Variants in SLC9A9 observed in about 807,000 individuals in gnomAD.
The protein encoded by SLC9A9 is sodium/hydrogen exchanger 9.
In SLC9A9, 62 loss-of-function variants were observed where a neutral mutation model predicts 77.8. That is an observed-to-expected ratio of 0.80 (90% confidence interval 0.65 to 0.98). SLC9A9 has a LOEUF of 0.98. Ranked by LOEUF, SLC9A9 falls within the 50% of genes least tolerant of loss-of-function variation. SLC9A9 has a pLI of 0.00. For synonymous variants in SLC9A9, 320 were observed against 283.5 expected (o/e 1.13, Z -1.29); for missense variants, 775 against 774.9 (o/e 1.00, Z 0.00).
chr3:143,766,949 G>C (rs1234231834), intron 4 of SLC9A9, among the ~76,000 whole-genome samples: 1 of 152,128 alleles, frequency 6.6e-6, no homozygotes, highest in Non-Finnish European at 1.5e-5. Context: ...TTATTGTTTT[G>C]CAAATTTATT....
At chr3:143,494,278 CT>C (rs2035797088) in intron 10 of SLC9A9, among the ~76,000 whole-genome samples, 1 of 152,212 alleles carries the variant, frequency 6.6e-6, no homozygotes, top group South Asian at 2.1e-4. Flanking sequence ...CATAATACAA[CT>C]GTTGCTTTAT....
Position 143,266,170 on chromosome 3 carries a change from C to A in SLC9A9, c.*532G>T. ...GAAACCATCAGCAGTGGGTACGGAA[C>A]ACTTCTCTGGGCTCTGCCCTGGGGT... On this transcript the variant is annotated 3_prime_UTR_variant, in exon 16 of 16. Coordinates refer to ENST00000316549, the MANE Select transcript of SLC9A9 (RefSeq NM_173653.4). 1 of 700,342 alleles carries A rather than the reference C, an allele frequency of 1.4e-6. No homozygotes were observed. The highest frequency in any genetic ancestry group is 2.6e-6 in the Non-Finnish European group (1 of 384,066). The allele number at this position is 700,342 out of a possible 1,614,324, so 43.4% of individuals were successfully genotyped here.
intron 4 of SLC9A9, among the ~76,000 whole-genome samples, chr3:143,771,699 CATG>C (rs2007523411): frequency 6.6e-6 from 1 of 152,312 alleles, no homozygotes; most frequent in Admixed American, 6.5e-5. Context: ...GTTAATAAGA[CATG>C]ATTTCCTCCG....
chr3:143,356,039 T>C (rs1467286088), intron 14 of SLC9A9, among the ~76,000 whole-genome samples: 1 of 152,186 alleles, frequency 6.6e-6, no homozygotes, highest in Non-Finnish European at 1.5e-5. Flanking sequence ...AAAGCTTATG[T>C]AGAATCCCAG....
chr3:143,416,591 T>C (rs1462237356), intron 12 of SLC9A9, among the ~76,000 whole-genome samples: 1 of 152,156 alleles, frequency 6.6e-6, no homozygotes, highest in Non-Finnish European at 1.5e-5. Context: ...GATATATATA[T>C]TTTTAGACAT....
At chr3:143,662,054 A>T (rs951424526) in intron 5 of SLC9A9, among the ~76,000 whole-genome samples, 1 of 152,130 alleles carries the variant, frequency 6.6e-6, no homozygotes, top group African/African-American at 2.4e-5. Context: ...TAGTGGTGTG[A>T]TTTATCTTAG....
intron 2 of SLC9A9, among the ~76,000 whole-genome samples, chr3:143,815,831 A>G (rs1001855263): frequency 6.6e-6 from 1 of 152,092 alleles, no homozygotes; most frequent in African/African-American, 2.4e-5. Context: ...GTGCCACTGC[A>G]CTCCAGCCTG....
At position 143,466,524 on chromosome 3, in the gene SLC9A9, C is replaced by G. The variant is rs114456132; in HGVS notation, c.1469+513G>C. On this transcript the variant is annotated intron_variant, in intron 12 of 15. Transcript: ENST00000316549. ...ATCCCCTTTTCCTGTATGAAAGTGT[C>G]TAACTTGTGTCTATAGCATCCCTCT... Among the ~76,000 whole-genome samples, 444 of 152,332 alleles carry G rather than the reference C, an allele frequency of 2.9e-3. 3 individuals carry two copies. Among genetic ancestry groups the G allele is most frequent in the African/African-American group, 9.9e-3 (411 of 41,582 alleles).
At chr3:143,375,985 C>T (rs1007238904) in intron 13 of SLC9A9, among the ~76,000 whole-genome samples, 1 of 152,118 alleles carries the variant, frequency 6.6e-6, no homozygotes, top group Non-Finnish European at 1.5e-5. Flanking sequence ...GAGCTAAAGA[C>T]TGGCTGGCAA....
intron 12 of SLC9A9, among the ~76,000 whole-genome samples, chr3:143,424,233 T>C (rs2034362009): frequency 6.7e-6 from 1 of 150,260 alleles, no homozygotes; most frequent in Non-Finnish European, 1.5e-5. Flanking sequence ...CAACTTACTG[T>C]GAAAAATTCA....
chr3:143,301,033 T>G (rs1368494961), intron 14 of SLC9A9, among the ~76,000 whole-genome samples: 1 of 152,186 alleles, frequency 6.6e-6, no homozygotes. Context: ...AGAAACAGCA[T>G]TCAGCCCCTA....
intron 6 of SLC9A9, among the ~76,000 whole-genome samples, chr3:143,608,315 T>G (rs778543028): frequency 6.6e-6 from 1 of 152,184 alleles, no homozygotes; most frequent in African/African-American, 2.4e-5. Context: ...GCAAATAATA[T>G]GCAGTGAACA....
intron 9 of SLC9A9, among the ~76,000 whole-genome samples, chr3:143,526,630 C>T (rs1215218678): frequency 6.6e-6 from 1 of 152,140 alleles, no homozygotes; most frequent in Non-Finnish European, 1.5e-5. Context: ...GCAACCAATT[C>T]CATTTTAAGG....
At chr3:143,699,333 A>C (rs543585467) in intron 4 of SLC9A9, among the ~76,000 whole-genome samples, 236 of 30,038 alleles carry the variant, frequency 7.9e-3, no homozygotes, top group African/African-American at 0.022. Flanking sequence ...TATCTACACA[A>C]AAAAAAAGCA....
chr3:143,790,088 G>C (rs1231003878), intron 4 of SLC9A9, among the ~76,000 whole-genome samples: 1 of 152,114 alleles, frequency 6.6e-6, no homozygotes, highest in Non-Finnish European at 1.5e-5. Context: ...TCTTATGATA[G>C]TGAGTGAGTT....
At chr3:143,488,076 A>C (rs576634019) in intron 11 of SLC9A9, among the ~76,000 whole-genome samples, 19 of 151,980 alleles carry the variant, frequency 1.3e-4, no homozygotes, top group Admixed American at 2.0e-4. Flanking sequence ...ATTCTAGAGA[A>C]ATAACAAGAA....
Position 143,799,425 on chromosome 3 carries a change from A to G in SLC9A9, c.379-2522T>C, listed in dbSNP as rs2108862073. Among the ~76,000 whole-genome samples, 2 of 152,346 alleles carry G rather than the reference A, an allele frequency of 1.3e-5. 1 individual carries two copies. The highest frequency in any genetic ancestry group is 4.1e-4 in the South Asian group (2 of 4,834). ...AGTAGAGGCAGCCAAGTAGCAATGT[A>G]TTTCTGAGTTGCAATTCCTTGCCCC... On this transcript the variant is annotated intron_variant, in intron 2 of 15. Transcript: ENST00000316549.
At chr3:143,399,715 T>C (rs1478695831) in intron 12 of SLC9A9, among the ~76,000 whole-genome samples, 2 of 152,170 alleles carry the variant, frequency 1.3e-5, no homozygotes, top group Non-Finnish European at 2.9e-5. Context: ...CTCAGGCTGT[T>C]TTGGCCTATC....
intron 12 of SLC9A9, among the ~76,000 whole-genome samples, chr3:143,435,817 A>G (rs1179364945): frequency 6.6e-6 from 1 of 152,128 alleles, no homozygotes; most frequent in Non-Finnish European, 1.5e-5. Flanking sequence ...ACAGCCTGAA[A>G]CAGTACACAA....
Sources: gnomAD v4.1 joint callset for allele counts (sites outside exome capture counted in the v4.1 genomes callset) on GRCh38, gnomAD v4.1.1 for gene constraint, MANE v1.5 for transcripts, NCBI Gene and HGNC (gene_info 2026-07-23, HGNC 2026-07-21) for gene names.